Variants in ELP1 observed in about 807,000 individuals in gnomAD.
The protein encoded by ELP1 is elongator acetyltransferase complex subunit 1.
Under a neutral mutation model 183.2 loss-of-function variants are expected in ELP1, and 131 were observed. The ratio of observed to expected loss-of-function variants is 0.72; its 90% CI spans 0.62 to 0.83. The LOEUF (loss-of-function observed/expected upper bound fraction) is 0.83. Among genes scored for constraint, ELP1 ranks in the 40% least tolerant of loss-of-function variants. The probability of loss-of-function intolerance (pLI) is 0.00; values close to 1 mark genes in which losing one functional copy is unlikely to be tolerated. For missense variants in ELP1, 1,550 were observed against 1,594.9 expected, an observed-to-expected ratio of 0.97 and a Z score of 0.48; for synonymous variants, 555 against 569.0, an observed-to-expected ratio of 0.98 and a Z score of 0.35.
chr9:108,890,425 T>C (rs1375709753), intron 28 of ELP1, among the ~76,000 whole-genome samples: 1 of 152,240 alleles, frequency 6.6e-6, no homozygotes, highest in Non-Finnish European at 1.5e-5. Context: ...AGGACTGCTT[T>C]TTATTTTTTT....
chr9:108,925,195 T>C (rs146282095), intron 5 of ELP1, among the ~76,000 whole-genome samples: 2,728 of 152,260 alleles, frequency 0.018, 30 homozygotes, highest in Non-Finnish European at 0.025. Context: ...TCACGAGCCA[T>C]CTTTCTATTA....
chr9:108,897,045 T>C lies in ELP1; in HGVS notation c.2502-7A>G, dbSNP rs372939186. ...AAGTATGGATAGGCAGTATCTGAGG[T>C]AATAAGTGAAGAACACCAGAATGAG... On this transcript the variant is annotated splice_region_variant and splice_polypyrimidine_tract_variant and intron_variant, in intron 23 of 36. Transcript: ENST00000374647. 8 of 1,613,602 alleles carry C rather than the reference T, an allele frequency of 5.0e-6. No individual in the cohort carries two copies. Among genetic ancestry groups the C allele is most frequent in the African/African-American group, 1.3e-5 (1 of 74,880 alleles).
intron 33 of ELP1, 63 bp from the exon 34 acceptor site, chr9:108,878,813 A>G: frequency 6.4e-7 from 1 of 1,571,550 alleles, no homozygotes; most frequent in East Asian, 2.2e-5. Flanking sequence ...GGCATGTGCT[A>G]CCTTGCCTGG....
intron 34 of ELP1, 24 bp from the exon 35 acceptor site, chr9:108,878,173 G>T (rs771317944): frequency 6.3e-7 from 1 of 1,593,136 alleles, no homozygotes; most frequent in South Asian, 1.1e-5. Flanking sequence ...ATTTGAAAGA[G>T]TGGTAAGTTA....
chr9:108,894,034 T>C lies in ELP1; in HGVS notation c.2769A>G (p.Thr923=), dbSNP rs370330097. ...DPKEYLPFLN[T]LKKMETNYQR... is the part of the protein sequence containing the mutation. ...GATAATTAGTTTCCATTTTCTTAAG[T>C]GTATTAAGAAATGGAAGATATTCTT... Residue 923 remains threonine, a synonymous_variant, in exon 26 of 37, where the codon ACA becomes ACG. Coordinates refer to ENST00000374647, the MANE Select transcript of ELP1 (RefSeq NM_003640.5). The C allele has an allele frequency of 6.3e-5, 97 of 1,545,954 alleles. No individual in the cohort carries two copies. Among genetic ancestry groups the C allele is most frequent in the Non-Finnish European group, 8.1e-5 (91 of 1,119,144 alleles).
At position 108,891,337 on chromosome 9, in the gene ELP1, A is replaced by G. The variant is rs750563722; in HGVS notation, c.3026T>C (p.Phe1009Ser). ...TTTCTCGTGGGCACCGCAACGGGCAAACATGAGCCCCGCTGGCTCATACAT... is the reference window on the plus strand; with the variant it reads ...TTTCTCGTGGGCACCGCAACGGGCAGACATGAGCCCCGCTGGCTCATACAT... Reference protein sequence around the residue: ...EHMYEPAGLMFARCGAHEKAL... With the variant: ...EHMYEPAGLMSARCGAHEKAL... Residue 1009 changes from phenylalanine to serine, a missense_variant, in exon 28 of 37, where the codon TTT becomes TCT. Coordinates refer to ENST00000374647, the MANE Select transcript of ELP1 (RefSeq NM_003640.5). 3.7e-6 allele frequency: 6 copies of G among 1,614,200 alleles called. No homozygotes were observed. In the Admixed American group the frequency reaches 1.0e-4, roughly 27 times the overall value.
chr9:108,919,016 T>C (rs558267769), intron 7 of ELP1, 115 bp from the exon 8 acceptor site: 27 of 848,188 alleles, frequency 3.2e-5, no homozygotes, highest in Non-Finnish European at 4.8e-5. Flanking sequence ...TGGTTTTACA[T>C]AGCCAATTAG....
rs1397495556 is a variant in ELP1, at chr9:108,882,160, A to C, written c.3250T>G (p.Leu1084Val). Residue 1084 changes from leucine to valine, a missense_variant, in exon 30 of 37, where the codon TTA becomes GTA. Transcript: ENST00000374647. ...GCTTCTTCCCAGGCAGCTCCTTCTAACAGCAAGAGCACAGCTTCTTCATAA... is the reference window on the plus strand; with the variant it reads ...GCTTCTTCCCAGGCAGCTCCTTCTACCAGCAAGAGCACAGCTTCTTCATAA... ...QDYEEAVLLLLEGAAWEEALR... is the reference protein window; with the variant it reads ...QDYEEAVLLLVEGAAWEEALR... 6.2e-7 allele frequency: 1 copy of C among 1,613,526 alleles called. No homozygotes were observed. Among genetic ancestry groups the C allele is most frequent in the Non-Finnish European group, 8.5e-7 (1 of 1,179,848 alleles).
intron 26 of ELP1, among the ~76,000 whole-genome samples, chr9:108,893,581 G>C (rs1828423488): frequency 6.6e-6 from 1 of 152,116 alleles, no homozygotes; most frequent in South Asian, 2.1e-4. Flanking sequence ...CGGGGAGGTG[G>C]CCTCATCACT....
In ELP1 at chr9:108,878,026, G is replaced by A; in HGVS notation, c.3824C>T (p.Thr1275Ile). ...LMERSLPEIW[T>I]LTYQQNSATP... Reference sequence around the variant, plus strand: ...AGCTGAATTCTGCTGGTAAGTAAGAGTCCAAATTTCTGGAAGTGACCTTTC... The same window carrying A: ...AGCTGAATTCTGCTGGTAAGTAAGAATCCAAATTTCTGGAAGTGACCTTTC... Residue 1275 changes from threonine to isoleucine, a missense_variant, in exon 35 of 37, where the codon ACT becomes ATT. By Grantham distance (89) the Thr-to-Ile change is moderately conservative. Coordinates refer to ENST00000374647, the MANE Select transcript of ELP1 (RefSeq NM_003640.5). 2 of 1,614,210 alleles carry A rather than the reference G, an allele frequency of 1.2e-6. No individual in the cohort carries two copies. Among genetic ancestry groups the A allele is most frequent in the Non-Finnish European group, 1.7e-6 (2 of 1,180,030 alleles).
At chr9:108,920,783 C>T (rs540240519) in intron 6 of ELP1, among the ~76,000 whole-genome samples, 2 of 152,140 alleles carry the variant, frequency 1.3e-5, no homozygotes, top group African/African-American at 4.8e-5. Context: ...CCCTAGAAAG[C>T]CTTTAGAAAA....
In ELP1 at chr9:108,929,778, G is replaced by C. The variant is rs372571633; in HGVS notation, c.294C>G (p.Ser98Arg). 1.2e-6 allele frequency: 2 copies of C among 1,614,044 alleles called. No individual in the cohort carries two copies. Among genetic ancestry groups the C allele is most frequent in the Non-Finnish European group, 1.7e-6 (2 of 1,180,024 alleles). ...ASGDVILCSL[S>R]TQQLECVGSV... is the part of the protein sequence containing the mutation. ...GGAGTCTTCCACTTACCTGTTGTGT[G>C]CTGAGACTGCAGAGTATGACGTCTC... The change falls in exon 3 of 37, where the codon AGC becomes AGG. Residue 98 changes from serine to arginine, a missense_variant. Coordinates refer to ENST00000374647, the MANE Select transcript of ELP1 (RefSeq NM_003640.5).
At chr9:108,881,626 T>C (rs1827932514) in intron 31 of ELP1, 79 bp downstream of exon 31, 1 of 868,614 alleles carries the variant, frequency 1.2e-6, no homozygotes, top group Non-Finnish European at 2.0e-6. Context: ...GAAAACACAG[T>C]AAATAGGAGG....
chr9:108,898,450 A>G (rs1170118050), intron 22 of ELP1, 52 bp downstream of exon 22: 1 of 1,172,560 alleles, frequency 8.5e-7, no homozygotes, highest in African/African-American at 1.5e-5. Context: ...TTCCTTAACA[A>G]GAAGAGAGAA....
intron 2 of ELP1, among the ~76,000 whole-genome samples, chr9:108,930,661 A>T (rs574421061): frequency 1.6e-4 from 22 of 140,318 alleles, no homozygotes; most frequent in Non-Finnish European, 2.6e-4. Context: ...ACTGCACTCC[A>T]GCCTGGGTGA....
At chr9:108,905,212 A>G (rs1828974699) in intron 14 of ELP1, among the ~76,000 whole-genome samples, 1 of 152,242 alleles carries the variant, frequency 6.6e-6, no homozygotes, top group Non-Finnish European at 1.5e-5. Context: ...AATTTATGTA[A>G]TGTATATATA....
intron 28 of ELP1, 114 bp downstream of exon 28, chr9:108,891,089 G>C (rs1828312796): frequency 2.0e-6 from 2 of 1,022,372 alleles, no homozygotes; most frequent in East Asian, 4.8e-5. Context: ...TTATCAGTGA[G>C]AACAAGACTG....
intron 8 of ELP1, 34 bp downstream of exon 8, chr9:108,918,777 C>G: frequency 6.6e-7 from 1 of 1,506,092 alleles, no homozygotes; most frequent in Non-Finnish European, 9.2e-7. Context: ...ACTCTGGTTC[C>G]AAGAATTTCT....
In ELP1 at chr9:108,879,436, T is replaced by G; in HGVS notation, c.3572+10A>C. On this transcript the variant is annotated intron_variant, in intron 33 of 36. Coordinates refer to ENST00000374647, the MANE Select transcript of ELP1 (RefSeq NM_003640.5). ...ATATAGTCAATGTGCTGAATCAATG[T>G]GATACGTACGCTGATATCCTGGAGT... 1 of 1,585,010 alleles carries G rather than the reference T, an allele frequency of 6.3e-7. No individual in the cohort carries two copies.
Sources: allele counts gnomAD v4.1 joint callset (sites outside exome capture counted in the v4.1 genomes callset), GRCh38; gene constraint gnomAD v4.1.1; transcripts MANE v1.5; gene names NCBI Gene and HGNC (gene_info 2026-07-23, HGNC 2026-07-21).